CNKSR3: variants seen among roughly 807,000 people sequenced by gnomAD.
The protein encoded by CNKSR3 is connector enhancer of kinase suppressor of ras 3.
Under a neutral mutation model 67.7 loss-of-function variants are expected in CNKSR3, and 36 were observed. The ratio of observed to expected loss-of-function variants is 0.53; its 90% CI spans 0.41 to 0.70. The LOEUF is 0.70. Among genes scored for constraint, CNKSR3 ranks in the 30% least tolerant of loss-of-function variants. CNKSR3 has a pLI of 0.00. For synonymous variants in CNKSR3, 281 were observed against 271.4 expected (o/e 1.04, Z -0.35); for missense variants, 630 against 695.2 (o/e 0.91, Z 1.05).
intron 12 of CNKSR3, among the ~76,000 whole-genome samples, chr6:154,409,108 T>C (rs1359615458): frequency 6.6e-6 from 1 of 152,184 alleles, no homozygotes; most frequent in East Asian, 1.9e-4. Flanking sequence ...CAGGCATCTT[T>C]CCCTTTTTCA....
chr6:154,440,958 A>G (rs531233397), intron 4 of CNKSR3, among the ~76,000 whole-genome samples: 2 of 152,224 alleles, frequency 1.3e-5, no homozygotes, highest in East Asian at 3.9e-4. Context: ...AACAAAGACT[A>G]TCATGCAACT....
At chr6:154,456,445 C>T (rs1484553893) in intron 1 of CNKSR3, among the ~76,000 whole-genome samples, 1 of 151,342 alleles carries the variant, frequency 6.6e-6, no homozygotes, top group African/African-American at 2.4e-5. Context: ...CGTCTGTGAT[C>T]CCAGCACTTT....
At chr6:154,487,096 T>C (rs1786690176) in intron 1 of CNKSR3, among the ~76,000 whole-genome samples, 6 of 152,204 alleles carry the variant, frequency 3.9e-5, no homozygotes, top group Admixed American at 3.9e-4. Context: ...ATTTTTAGTT[T>C]CAACACCATT....
At chr6:154,413,774 G>A (rs747914412) in intron 10 of CNKSR3, among the ~76,000 whole-genome samples, 1 of 151,884 alleles carries the variant, frequency 6.6e-6, no homozygotes, top group South Asian at 2.1e-4. Flanking sequence ...TTGAGACAGG[G>A]TCTCGCTCTG....
rs1426472508 is a variant in CNKSR3, at chr6:154,393,625, T to C, written c.*12729A>G. ...AACTTTTTAAAAATTTTCTTTAAGG[T>C]GTCCTATGATGAGGAAAAGTTCTAA... On this transcript the variant is annotated 3_prime_UTR_variant, in exon 13 of 13. Transcript: ENST00000607772. 1 of 152,250 alleles carries C rather than the reference T, an allele frequency of 6.6e-6. No homozygotes were observed. Among genetic ancestry groups the C allele is most frequent in the Non-Finnish European group, 1.5e-5 (1 of 68,040 alleles). The allele number at this position is 152,250 out of a possible 1,614,324, so 9.4% of individuals were successfully genotyped here. A position where few individuals can be genotyped will look rare whatever the true frequency, so the allele number is the denominator to read the frequency against.
chr6:154,472,787 G>A (rs1329765034), intron 1 of CNKSR3, among the ~76,000 whole-genome samples: 4 of 130,142 alleles, frequency 3.1e-5, no homozygotes, highest in African/African-American at 6.0e-5. Context: ...ACCACTAAGA[G>A]TACATCTTTA....
intron 1 of CNKSR3, among the ~76,000 whole-genome samples, chr6:154,500,448 C>T (rs1241955767): frequency 6.6e-6 from 1 of 152,074 alleles, no homozygotes; most frequent in Non-Finnish European, 1.5e-5. Flanking sequence ...AGGGGTTTTC[C>T]TCTGATGGAG....
chr6:154,422,553 T>A lies in CNKSR3; in HGVS notation c.898A>T (p.Thr300Ser), dbSNP rs768816305. 1 of 1,613,766 alleles carries A rather than the reference T, an allele frequency of 6.2e-7. No homozygotes were observed. The highest frequency in any genetic ancestry group is 1.1e-5 in the South Asian group (1 of 91,044). ...KKRPTGSFNF[T>S]PAPLKNLRWK... ...CGTAGGTTTTTCAGGGGAGCAGGAG[T>A]AAAGTTGAAAGACCCGGTGGGGCGC... The change falls in exon 9 of 13, where the codon ACT (threonine) becomes TCT (serine). Residue 300 changes from threonine (T) to serine (S), a missense_variant. By Grantham distance (58) the Thr-to-Ser change is moderately conservative. Around this residue, in one of 3 missense-constraint regions of CNKSR3, gnomAD observed 133 missense variants for 190.6 expected, o/e 0.70. Coordinates refer to ENST00000607772, the MANE Select transcript of CNKSR3 (RefSeq NM_173515.4).
intron 1 of CNKSR3, among the ~76,000 whole-genome samples, chr6:154,476,846 G>A (rs898865307): frequency 1.3e-5 from 2 of 152,128 alleles, no homozygotes; most frequent in African/African-American, 4.8e-5. Flanking sequence ...CAAAACTACA[G>A]GGAAAAATTA....
At chr6:154,442,397 C>T (rs908016228) in intron 2 of CNKSR3, 107 bp from the exon 3 acceptor site, 43 of 868,744 alleles carry the variant, frequency 4.9e-5, no homozygotes, top group African/African-American at 4.6e-4. Context: ...CTGAAGTGGG[C>T]GGATCACGAG....
At chr6:154,431,168 G>A (rs761717875) in intron 5 of CNKSR3, among the ~76,000 whole-genome samples, 2 of 152,068 alleles carry the variant, frequency 1.3e-5, no homozygotes, top group Non-Finnish European at 2.9e-5. Context: ...ACTAGGACGG[G>A]CACAGTGGCT....
intron 12 of CNKSR3, among the ~76,000 whole-genome samples, chr6:154,407,432 C>A (rs748142386): frequency 1.3e-5 from 2 of 152,054 alleles, no homozygotes; most frequent in Non-Finnish European, 2.9e-5. Flanking sequence ...CCTTGTGAAG[C>A]GGAAATTCTA....
At position 154,442,070 on chromosome 6, in the gene CNKSR3, G is replaced by A. The variant is rs776095744; in HGVS notation, c.419+18C>T. 72 of 1,584,508 alleles carry A rather than the reference G, an allele frequency of 4.5e-5. No homozygotes were observed. The highest frequency in any genetic ancestry group is 5.5e-5 in the Non-Finnish European group (64 of 1,162,338). On this transcript the variant is annotated intron_variant, in intron 3 of 12. Coordinates refer to ENST00000607772, the MANE Select transcript of CNKSR3 (RefSeq NM_173515.4). ...TATCTACTCTTGCAGGGCAGTAAAAGGCACATCTCCAACTTACCGGTCCAG... is the reference window on the plus strand; with the variant it reads ...TATCTACTCTTGCAGGGCAGTAAAAAGCACATCTCCAACTTACCGGTCCAG...
At chr6:154,428,066 G>T in intron 7 of CNKSR3, 62 bp downstream of exon 7, 1 of 1,064,574 alleles carries the variant, frequency 9.4e-7, no homozygotes, top group Non-Finnish European at 1.5e-6. Flanking sequence ...AAAGTATAGA[G>T]ACTGTGGATC....
At chr6:154,505,329 C>T (rs1383649833) in intron 1 of CNKSR3, among the ~76,000 whole-genome samples, 2 of 149,748 alleles carry the variant, frequency 1.3e-5, no homozygotes, top group Non-Finnish European at 1.5e-5. Context: ...GAGCAAGTCC[C>T]GTGGCTTAGA....
chr6:154,444,591 C>T (rs1785667575), intron 2 of CNKSR3, among the ~76,000 whole-genome samples: 1 of 151,418 alleles, frequency 6.6e-6, no homozygotes, highest in Non-Finnish European at 1.5e-5. Flanking sequence ...CACATCCCCT[C>T]TGAAGTGGAG....
At chr6:154,424,585 C>T (rs1050230573) in intron 7 of CNKSR3, among the ~76,000 whole-genome samples, 3 of 152,272 alleles carry the variant, frequency 2.0e-5, no homozygotes, top group East Asian at 1.9e-4. Flanking sequence ...ACAGGCTCAA[C>T]GGGAAATTAA....
Position 154,405,297 on chromosome 6 carries a change from A to C in CNKSR3, c.*1057T>G, listed in dbSNP as rs1255228868. The stretch of plus-strand genomic sequence containing the variant: ...AACAGAAATATTTCAATTACAGGTG[A>C]CTAAGAGTAAGAAAAATATACAACT... On this transcript the variant is annotated 3_prime_UTR_variant, in exon 13 of 13. Transcript: ENST00000607772. The C allele has an allele frequency of 6.5e-6, 1 of 152,686 alleles. No homozygotes were observed. The highest frequency in any genetic ancestry group is 6.5e-5 in the Admixed American group (1 of 15,282). 9.5% of individuals were successfully genotyped at this position (152,686 alleles called of 1,614,324 possible). A position where few individuals can be genotyped will look rare whatever the true frequency, so the allele number is the denominator to read the frequency against.
At chr6:154,473,574 A>G (rs1786376753) in intron 1 of CNKSR3, among the ~76,000 whole-genome samples, 1 of 152,168 alleles carries the variant, frequency 6.6e-6, no homozygotes, top group African/African-American at 2.4e-5. Flanking sequence ...AGGACGTTGT[A>G]CAGTGAGCGC....
Sources: gnomAD v4.1 joint callset for allele counts (sites outside exome capture counted in the v4.1 genomes callset) on GRCh38, gnomAD v4.1.1 for gene constraint, gnomAD v4.1.1 regional missense constraint, MANE v1.5 for transcripts, NCBI Gene and HGNC (gene_info 2026-07-23, HGNC 2026-07-21) for gene names.